The following CHEK1 variants were observed in gnomAD, a reference collection of about 807,000 sequenced individuals.
The protein encoded by CHEK1 is checkpoint kinase 1.
Under a neutral mutation model 60.2 loss-of-function variants are expected in CHEK1, and 32 were observed. The observed-to-expected ratio is 0.53, with a 90% confidence interval of 0.40 to 0.71. CHEK1 has a LOEUF of 0.71. Among genes scored for constraint, CHEK1 ranks in the 30% least tolerant of loss-of-function variants. CHEK1 has a pLI of 0.00. For missense variants in CHEK1, 399 were observed against 564.6 expected, an observed-to-expected ratio of 0.71 and a Z score of 2.97; for synonymous variants, 179 against 187.2, an observed-to-expected ratio of 0.96 and a Z score of 0.36.
Position 125,655,481 on chromosome 11 carries a change from C to T in CHEK1, c.*161C>T, listed in dbSNP as rs967472656. On this transcript the variant is annotated 3_prime_UTR_variant, in exon 13 of 13. Coordinates refer to ENST00000438015, the MANE Select transcript of CHEK1 (RefSeq NM_001114122.3). ...CATCTTCCAATTTATTTTGTTTGTTCGGCATACAAATAATACCTATATCTT... is the reference window on the plus strand; with the variant it reads ...CATCTTCCAATTTATTTTGTTTGTTTGGCATACAAATAATACCTATATCTT... 5.0e-5 allele frequency: 25 copies of T among 498,028 alleles called. No individual in the cohort carries two copies. The highest frequency in any genetic ancestry group is 1.1e-4 in the South Asian group (3 of 27,810). The allele number at this position is 498,028 out of a possible 1,614,324, so 30.9% of individuals were successfully genotyped here.
At chr11:125,631,633 G>T (rs950777526) in intron 5 of CHEK1, among the ~76,000 whole-genome samples, 1 of 151,286 alleles carries the variant, frequency 6.6e-6, no homozygotes, top group Admixed American at 6.6e-5. Context: ...GAGGTGGGAC[G>T]ATTGAGTGAT....
Position 125,673,282 on chromosome 11 carries a change from G to A in CHEK1, c.*28-2646G>A, listed in dbSNP as rs559207915. Among the ~76,000 whole-genome samples the A allele has an allele frequency of 3.5e-4, 52 of 150,102 alleles. 3 individuals are homozygous for A. The highest frequency in any genetic ancestry group is 1.1e-3 in the African/African-American group (46 of 40,784). On this transcript the variant is annotated intron_variant, in intron 13 of 13. Transcript: ENST00000428830. ...TGCAGTGGTGCAACCTCAGCTCACCGCAGCCTCCACCTCCCAGGTTCAAGC... is the reference window on the plus strand; with the variant it reads ...TGCAGTGGTGCAACCTCAGCTCACCACAGCCTCCACCTCCCAGGTTCAAGC...
chr11:125,672,536 A>C (rs1454635657), intron 13 of CHEK1: 2 of 1,602,434 alleles, frequency 1.2e-6, no homozygotes, highest in East Asian at 4.5e-5. Flanking sequence ...AAATGAGCCA[A>C]ATAGAGTGAT....
intron 11 of CHEK1, among the ~76,000 whole-genome samples, chr11:125,650,521 A>C (rs1941685187): frequency 7.1e-6 from 1 of 141,086 alleles, no homozygotes; most frequent in Admixed American, 7.3e-5. Context: ...CAGTGGCGTG[A>C]TCTTGGCTCA....
At chr11:125,674,238 A>T (rs1942371027) in intron 13 of CHEK1, among the ~76,000 whole-genome samples, 1 of 152,200 alleles carries the variant, frequency 6.6e-6, no homozygotes, top group Non-Finnish European at 1.5e-5. Context: ...AGAGAGATAA[A>T]AATAGCCAAT....
chr11:125,649,327 C>T (rs2136045842), intron 11 of CHEK1, among the ~76,000 whole-genome samples: 1 of 152,282 alleles, frequency 6.6e-6, no homozygotes, highest in South Asian at 2.1e-4. Context: ...GGTGGGACTG[C>T]AGGCATGTAC....
intron 13 of CHEK1, among the ~76,000 whole-genome samples, chr11:125,665,461 C>T (rs1226869806): frequency 6.6e-5 from 10 of 151,840 alleles, no homozygotes; most frequent in Non-Finnish European, 1.5e-4. Flanking sequence ...TACATCTTTG[C>T]CTGATTTTGG....
At chr11:125,626,229 A>G (rs993422297) in intron 1 of CHEK1, 4 of 578,384 alleles carry the variant, frequency 6.9e-6, no homozygotes, top group Non-Finnish European at 6.2e-6. Context: ...GCTGCTAGCT[A>G]AGAACCCCAA....
At chr11:125,651,930 CA>C (rs1168816081) in intron 11 of CHEK1, among the ~76,000 whole-genome samples, 3 of 152,228 alleles carry the variant, frequency 2.0e-5, no homozygotes, top group African/African-American at 7.2e-5. Flanking sequence ...TTTTCACTGA[CA>C]TCACTCCTTG....
chr11:125,626,800 TG>T lies in CHEK1; in HGVS notation c.34del (p.Val12CysfsTer16). 1 of 1,614,154 alleles carries T rather than the reference TG, an allele frequency of 6.2e-7. No homozygotes were observed. Among genetic ancestry groups the T allele is most frequent in the Non-Finnish European group, 8.5e-7 (1 of 1,180,022 alleles). MAVPFVEDWD[L>X]VQTLGEGAYG... ...GTGCCCTTTGTGGAAGACTGGGACT[TG>T]GTGCAAACCCTGGGAGAAGGTGCCT... On this transcript the variant is annotated frameshift_variant, in exon 2 of 13. Coordinates refer to ENST00000438015, the MANE Select transcript of CHEK1 (RefSeq NM_001114122.3). LOFTEE classifies it high-confidence loss of function.
At chr11:125,641,810 C>T (rs1269944746) in intron 8 of CHEK1, among the ~76,000 whole-genome samples, 5 of 150,718 alleles carry the variant, frequency 3.3e-5, no homozygotes, top group Non-Finnish European at 7.4e-5. Flanking sequence ...TTTACCTCTA[C>T]TGTTACCCTA....
At chr11:125,639,946 G>A (rs1250525175) in intron 8 of CHEK1, among the ~76,000 whole-genome samples, 4 of 151,772 alleles carry the variant, frequency 2.6e-5, no homozygotes, top group Non-Finnish European at 5.9e-5. Context: ...CTTCTCTACC[G>A]GATCTTTCTC....
At chr11:125,629,987 G>C (rs894256446) in intron 5 of CHEK1, among the ~76,000 whole-genome samples, 1 of 151,898 alleles carries the variant, frequency 6.6e-6, no homozygotes, top group African/African-American at 2.4e-5. Context: ...GCCTCCCAGA[G>C]TGTTGGGATT....
chr11:125,666,921 G>A (rs548160326), intron 13 of CHEK1, among the ~76,000 whole-genome samples: 1 of 141,984 alleles, frequency 7.0e-6, no homozygotes, highest in African/African-American at 2.6e-5. Context: ...GTTGAATCTT[G>A]ATTTTTTTTT....
At chr11:125,635,028 G>A (rs1941012813) in intron 6 of CHEK1, among the ~76,000 whole-genome samples, 1 of 151,754 alleles carries the variant, frequency 6.6e-6, no homozygotes, top group African/African-American at 2.4e-5. Context: ...TGTGATCTTG[G>A]CTCACTGCAG....
At chr11:125,680,859 C>A, downstream of CHEK1, 1 of 1,177,504 alleles carries the variant, frequency 8.5e-7, no homozygotes, top group Non-Finnish European at 1.3e-6. Context: ...CGAGCAAAAG[C>A]TTCCAGTGCT....
At position 125,633,262 on chromosome 11, in the gene CHEK1, C is replaced by T. The variant is rs75583143; in HGVS notation, c.524C>T (p.Ala175Val). The T allele has an allele frequency of 1.9e-6, 3 of 1,607,910 alleles. No homozygotes were observed. Among genetic ancestry groups the T allele is most frequent in the Non-Finnish European group, 2.5e-6 (3 of 1,178,238 alleles). The change falls in exon 6 of 13, where the codon GCT becomes GTT. Residue 175 changes from alanine to valine, a missense_variant. By Grantham distance (64) the Ala-to-Val change is moderately conservative. This residue lies in a region of CHEK1 where 370 missense variants were observed against 494.8 expected (regional missense o/e 0.75). Coordinates refer to ENST00000438015, the MANE Select transcript of CHEK1 (RefSeq NM_001114122.3). ...ATGTGTGGTACTTTACCATATGTTG[C>T]TCCAGAACTTCTGAAGAGAAGAGAA... ...NKMCGTLPYV[A>V]PELLKRREFH...
chr11:125,646,377 A>G (rs1004371190), intron 11 of CHEK1, among the ~76,000 whole-genome samples: 14 of 152,118 alleles, frequency 9.2e-5, no homozygotes, highest in African/African-American at 3.4e-4. Context: ...TCATCCACTC[A>G]TGGACATTTG....
intron 11 of CHEK1, 116 bp downstream of exon 11, chr11:125,644,759 A>C: frequency 3.3e-6 from 4 of 1,205,704 alleles, no homozygotes; most frequent in Non-Finnish European, 4.5e-6. Context: ...CTGTAATCCC[A>C]GCTTTTTGGG....
Sources: gnomAD v4.1 joint callset for allele counts (sites outside exome capture counted in the v4.1 genomes callset) on GRCh38, gnomAD v4.1.1 for gene constraint, gnomAD v4.1.1 regional missense constraint, MANE v1.5 for transcripts, NCBI Gene and HGNC (gene_info 2026-07-23, HGNC 2026-07-21) for gene names.